SLC41A2: variants seen among roughly 807,000 people sequenced by gnomAD.
SLC41A2 encodes the protein SLC41A1-like 1.
In SLC41A2, 32 loss-of-function variants were observed where a neutral mutation model predicts 58.3. The ratio of observed to expected loss-of-function variants is 0.55; its 90% confidence interval spans 0.41 to 0.74. The LOEUF is 0.74. SLC41A2 is among the 30% of genes least tolerant of loss of function. The pLI, the probability that SLC41A2 is intolerant of heterozygous loss-of-function variation, is 0.00. For missense variants in SLC41A2, 514 were observed against 680.6 expected (o/e 0.76, Z 2.72); for synonymous variants, 190 against 235.0 (o/e 0.81, Z 1.75).
At chr12:104,813,084 C>G (rs2041244768) in intron 10 of SLC41A2, among the ~76,000 whole-genome samples, 1 of 151,940 alleles carries the variant, frequency 6.6e-6, no homozygotes, top group Admixed American at 6.6e-5. Context: ...GAGGCTGAGG[C>G]AGGAGAATCG....
intron 2 of SLC41A2, among the ~76,000 whole-genome samples, chr12:104,927,461 T>G (rs1370242180): frequency 2.0e-5 from 3 of 152,166 alleles, no homozygotes; most frequent in African/African-American, 7.2e-5. Flanking sequence ...AACATTTTAT[T>G]TTTATTTTTG....
intron 3 of SLC41A2, 61 bp downstream of exon 3, chr12:104,909,594 C>G: frequency 1.8e-6 from 2 of 1,136,978 alleles, no homozygotes; most frequent in Non-Finnish European, 2.6e-6. Flanking sequence ...GATACAAGTT[C>G]CCCTTAACAG....
intron 4 of SLC41A2, among the ~76,000 whole-genome samples, chr12:104,890,555 A>C (rs890779714): frequency 6.6e-6 from 1 of 152,210 alleles, no homozygotes; most frequent in Non-Finnish European, 1.5e-5. Context: ...ATTTCTGAGA[A>C]AATAAAAGCA....
chr12:104,950,556 AAC>A (rs1189572835), intron 1 of SLC41A2, among the ~76,000 whole-genome samples: 1 of 152,170 alleles, frequency 6.6e-6, no homozygotes, highest in African/African-American at 2.4e-5. Context: ...AGAACGGACT[AAC>A]ACAGTCTCAC....
At chr12:104,935,864 G>A (rs938310537) in intron 1 of SLC41A2, among the ~76,000 whole-genome samples, 6 of 152,184 alleles carry the variant, frequency 3.9e-5, no homozygotes, top group East Asian at 3.9e-4. Context: ...CCAACACGGC[G>A]AAACCCTGTC....
intron 10 of SLC41A2, among the ~76,000 whole-genome samples, chr12:104,824,444 C>T (rs1377315635): frequency 6.6e-6 from 1 of 152,150 alleles, no homozygotes; most frequent in Non-Finnish European, 1.5e-5. Flanking sequence ...TCCAAGCGGC[C>T]CGACTCCAGG....
rs2048251427 is a variant in SLC41A2, at chr12:104,958,282, C to G, written c.-362G>C. On this transcript the variant is annotated 5_prime_UTR_variant, in exon 1 of 11. Transcript: ENST00000258538. ...GCGCCTCCTCGCGCGGCTGCGGCCCCAAGCTGACAGCCCGGCCGTCGGCGC... is the reference window on the plus strand; with the variant it reads ...GCGCCTCCTCGCGCGGCTGCGGCCCGAAGCTGACAGCCCGGCCGTCGGCGC... 1 of 150,474 alleles carries G rather than the reference C, an allele frequency of 6.6e-6. No homozygotes were observed. The highest frequency in any genetic ancestry group is 2.0e-4 in the South Asian group (1 of 4,922). 9.3% of individuals were successfully genotyped at this position (150,474 alleles called of 1,614,324 possible). A position where few individuals can be genotyped will look rare whatever the true frequency, so the allele number is the denominator to read the frequency against.
At chr12:104,822,755 A>G (rs1310294292) in intron 10 of SLC41A2, among the ~76,000 whole-genome samples, 3 of 152,174 alleles carry the variant, frequency 2.0e-5, no homozygotes, top group Admixed American at 1.3e-4. Flanking sequence ...GTAGGAATTG[A>G]GTAATAGATA....
intron 2 of SLC41A2, among the ~76,000 whole-genome samples, chr12:104,910,825 T>C (rs891843225): frequency 6.6e-6 from 1 of 152,230 alleles, no homozygotes; most frequent in African/African-American, 2.4e-5. Flanking sequence ...TGACATATTT[T>C]TAATGGCCCT....
chr12:104,858,569 A>G lies in SLC41A2; in HGVS notation c.1255+2722T>C, dbSNP rs17036436. The stretch of plus-strand genomic sequence containing the variant: ...CCCCAACACATTTTAAATGAAATTC[A>G]ATTCTCAAAAGTTCCATCTTATTTG... On this transcript the variant is annotated intron_variant, in intron 8 of 10. Coordinates refer to ENST00000258538, the MANE Select transcript of SLC41A2 (RefSeq NM_001352171.3). Among the ~76,000 whole-genome samples the G allele has an allele frequency of 1.6e-3, 240 of 152,348 alleles. 2 individuals carry two copies. In the East Asian group the frequency reaches 0.035, roughly 22 times the overall value.
At chr12:104,876,302 GTTTAC>G (rs1593049225) in intron 6 of SLC41A2, among the ~76,000 whole-genome samples, 2 of 151,806 alleles carry the variant, frequency 1.3e-5, no homozygotes, top group African/African-American at 4.8e-5. Context: ...CTAACTTTGG[GTTTAC>G]TTTATTCTTT....
chr12:104,836,096 G>A (rs945851923), intron 10 of SLC41A2, among the ~76,000 whole-genome samples: 4 of 152,150 alleles, frequency 2.6e-5, no homozygotes, highest in Non-Finnish European at 5.9e-5. Flanking sequence ...CATCCGCCTT[G>A]GCCTCCCAAA....
Position 104,845,943 on chromosome 12 carries a change from A to C in SLC41A2, c.1287T>G (p.Ala429=). The C allele has an allele frequency of 6.2e-7, 1 of 1,613,822 alleles. No homozygotes were observed. ...GIGGNLVAIQ[A]SRISTYLHLH... is the part of the protein sequence containing the mutation. The stretch of plus-strand genomic sequence containing the variant: ...AATGGAGGTAGGTAGAAATCCTGCT[A>C]GCCTGAATGGCCACCAAATTACCAC... Residue 429 remains alanine (A), a synonymous_variant, in exon 9 of 11, where the codon GCT becomes GCG. Coordinates refer to ENST00000258538, the MANE Select transcript of SLC41A2 (RefSeq NM_001352171.3).
Position 104,909,778 on chromosome 12 carries a change from T to A in SLC41A2, c.556-16A>T, listed in dbSNP as rs748756057. 62 of 1,518,324 alleles carry A rather than the reference T, an allele frequency of 4.1e-5. No individual in the cohort carries two copies. The highest frequency in any genetic ancestry group is 6.7e-5 in the Admixed American group (3 of 44,478). The allele number at this position is 1,518,324 out of a possible 1,614,324, so 94.1% of individuals were successfully genotyped here. On this transcript the variant is annotated splice_polypyrimidine_tract_variant and intron_variant, in intron 2 of 10. Transcript: ENST00000258538. The stretch of plus-strand genomic sequence containing the variant: ...CCTCCCAGTGCTGTAAGAAAAAAAA[T>A]AAAATAAAATTTTCTGGCACTCTTT...
chr12:104,854,878 C>A (rs1378463155), intron 8 of SLC41A2, among the ~76,000 whole-genome samples: 1 of 152,164 alleles, frequency 6.6e-6, no homozygotes, highest in Middle Eastern at 3.2e-3. Context: ...TCCCCTAGCC[C>A]GTATCTGTGT....
chr12:104,806,215 TCC>T (rs1310573194), intron 10 of SLC41A2, among the ~76,000 whole-genome samples: 1 of 142,024 alleles, frequency 7.0e-6, no homozygotes, highest in African/African-American at 2.6e-5. Context: ...CCCTCCCCAC[TCC>T]CCCCACCCCA....
At chr12:104,821,734 GAA>G (rs1348926508) in intron 10 of SLC41A2, among the ~76,000 whole-genome samples, 42 of 152,210 alleles carry the variant, frequency 2.8e-4, no homozygotes, top group Non-Finnish European at 8.8e-5. Context: ...CTATCAGGAT[GAA>G]AAGTTTCCTC....
At chr12:104,814,322 T>A (rs1435656581) in intron 10 of SLC41A2, among the ~76,000 whole-genome samples, 1 of 152,076 alleles carries the variant, frequency 6.6e-6, no homozygotes, top group Non-Finnish European at 1.5e-5. Flanking sequence ...GAGGCAGAGC[T>A]TGCAGTGAGC....
chr12:104,820,780 T>C (rs2047126), intron 10 of SLC41A2, among the ~76,000 whole-genome samples: 74,265 of 151,838 alleles, frequency 0.49, 18,985 homozygotes, highest in Middle Eastern at 0.57. Context: ...GTAGGTAGGA[T>C]TACAGGTGCC....
Sources: gnomAD v4.1 joint callset for allele counts (sites outside exome capture counted in the v4.1 genomes callset) on GRCh38, gnomAD v4.1.1 for gene constraint, MANE v1.5 for transcripts, NCBI Gene and HGNC (gene_info 2026-07-23, HGNC 2026-07-21) for gene names.